HS1BP3: variants seen among roughly 807,000 people sequenced by gnomAD.
HS1BP3 encodes HCLS1 binding protein 3.
In HS1BP3, 32 loss-of-function variants were observed where a neutral mutation model predicts 33.5. The observed-to-expected ratio is 0.95, with a 90% CI of 0.72 to 1.28. HS1BP3 has a LOEUF of 1.28. Ranked by LOEUF, HS1BP3 falls within the 50% of genes most tolerant of loss-of-function variation. HS1BP3 has a pLI of 0.00. For missense variants in HS1BP3, 486 were observed against 502.3 expected (o/e 0.97, Z 0.31); for synonymous variants, 187 against 209.2 (o/e 0.89, Z 0.92).
chr2:20,616,229 C>A (rs1694422254), downstream of HS1BP3, among the ~76,000 whole-genome samples: 1 of 152,222 alleles, frequency 6.6e-6, no homozygotes. Context: ...AGCCAGGACT[C>A]CAGCTCAATC....
At chr2:20,624,624 C>G in intron 5 of HS1BP3, 108 bp downstream of exon 5, 2 of 1,030,502 alleles carry the variant, frequency 1.9e-6, no homozygotes, top group South Asian at 1.6e-5. Context: ...CTAAACAGGA[C>G]AGGGGAGATA....
intron 2 of HS1BP3, among the ~76,000 whole-genome samples, chr2:20,642,364 G>GC (rs748907423): frequency 3.3e-5 from 5 of 151,996 alleles, no homozygotes; most frequent in Admixed American, 3.3e-4. Context: ...GAGGCAGCTG[G>GC]GGGGATTTCA....
chr2:20,641,398 A>G (rs1353280191), intron 2 of HS1BP3, among the ~76,000 whole-genome samples: 29 of 152,196 alleles, frequency 1.9e-4, no homozygotes. Context: ...CCCAGAGGAA[A>G]GATGCAATAA....
At chr2:20,569,890 G>A (rs1415834801) in intron 5 of HS1BP3, among the ~76,000 whole-genome samples, 3 of 151,712 alleles carry the variant, frequency 2.0e-5, no homozygotes, top group Admixed American at 1.3e-4. Context: ...AGGCAGGCAG[G>A]TGCTGCTCCC....
chr2:20,570,552 CAAG>C (rs1489703318), intron 5 of HS1BP3, among the ~76,000 whole-genome samples: 1 of 152,174 alleles, frequency 6.6e-6, no homozygotes, highest in Non-Finnish European at 1.5e-5. Context: ...ATTGCAGCCC[CAAG>C]GGCTCAGGAT....
intron 6 of HS1BP3, chr2:20,622,327 T>TA (rs1221561502): frequency 7.7e-7 from 1 of 1,303,456 alleles, no homozygotes; most frequent in South Asian, 1.2e-5. Context: ...TGTCTGAATT[T>TA]AAAAAAAAGA....
chr2:20,563,321 C>G (rs919323850), intron 5 of HS1BP3, among the ~76,000 whole-genome samples: 2 of 152,244 alleles, frequency 1.3e-5, no homozygotes, highest in African/African-American at 4.8e-5. Context: ...GGAAGGGCCA[C>G]AGGCCCTTGG....
At chr2:20,574,283 G>A (rs1693346956) in intron 5 of HS1BP3, among the ~76,000 whole-genome samples, 1 of 152,138 alleles carries the variant, frequency 6.6e-6, no homozygotes, top group African/African-American at 2.4e-5. Flanking sequence ...CAAAGAACAA[G>A]CTCTTAGTTA....
intron 2 of HS1BP3, among the ~76,000 whole-genome samples, chr2:20,607,062 T>C (rs1694204040): frequency 6.6e-6 from 1 of 152,178 alleles, no homozygotes; most frequent in Non-Finnish European, 1.5e-5. Context: ...TACCCTATAT[T>C]TTTATTAAGA....
intron 5 of HS1BP3, chr2:20,586,309 A>G (rs62124234): frequency 0.078 from 11,839 of 152,290 alleles, 634 homozygotes; most frequent in African/African-American, 0.15. Context: ...AACAGAGCAC[A>G]GCCACCTTGA....
chr2:20,645,343 G>C lies in HS1BP3; in HGVS notation c.195C>G (p.Phe65Leu). ...CTGGCCAGAGCCTCCGGCTCACCAA[G>C]AACTGGACGACATCCTCGGGCCTGT... ...AKHRPEDVVQ[F>L]LVSKKYSEIE... The change falls in exon 2 of 7, where the codon TTC (phenylalanine) becomes TTG (leucine). Residue 65 changes from phenylalanine to leucine, a missense_variant. Physicochemically the swap from Phe to Leu is conservative, Grantham distance 22. Coordinates refer to ENST00000304031, the MANE Select transcript of HS1BP3 (RefSeq NM_022460.4). 3 of 1,613,352 alleles carry C rather than the reference G, an allele frequency of 1.9e-6. No individual in the cohort carries two copies. The highest frequency in any genetic ancestry group is 2.5e-6 in the Non-Finnish European group (3 of 1,179,722).
downstream of HS1BP3, among the ~76,000 whole-genome samples, chr2:20,617,639 G>T (rs1228249907): frequency 6.6e-6 from 1 of 152,118 alleles, no homozygotes; most frequent in Admixed American, 6.5e-5. Context: ...GCTGGCTTTG[G>T]TGTCTATCAG....
intron 2 of HS1BP3, among the ~76,000 whole-genome samples, chr2:20,610,465 A>G (rs1413702356): frequency 1.3e-5 from 2 of 152,110 alleles, no homozygotes; most frequent in Non-Finnish European, 2.9e-5. Flanking sequence ...ATCATACAAC[A>G]TATATATCCT....
intron 2 of HS1BP3, among the ~76,000 whole-genome samples, chr2:20,601,771 T>TTC (rs1491493672): frequency 1.3e-4 from 2 of 15,824 alleles, no homozygotes; most frequent in South Asian, 3.5e-3. Context: ...GTGTGTCTTC[T>TTC]TTTTTTTTTT....
At position 20,618,899 on chromosome 2, in the gene HS1BP3, G is replaced by A. The variant is rs1289039726; in HGVS notation, c.*88C>T. 4.0e-6 allele frequency: 6 copies of A among 1,488,954 alleles called. No homozygotes were observed. In the East Asian group the frequency reaches 7.2e-5, roughly 18 times the overall value. 92.2% of individuals were successfully genotyped at this position (1,488,954 alleles called of 1,614,324 possible). On this transcript the variant is annotated 3_prime_UTR_variant, in exon 7 of 7. Coordinates refer to ENST00000304031, the MANE Select transcript of HS1BP3 (RefSeq NM_022460.4). ...GCCTGGCCTCCCCTGGGGGTGGGGA[G>A]GTTCTGACCCTGCAGGGCCCAGTCC...
intron 6 of HS1BP3, chr2:20,623,564 T>G (rs1694671975): frequency 1.1e-5 from 2 of 188,994 alleles, no homozygotes; most frequent in African/African-American, 4.7e-5. Context: ...GTTCCCAAAC[T>G]TGCTTATGCC....
At position 20,610,828 on chromosome 2, in the gene HS1BP3, A is replaced by G. The variant is rs538947450; in HGVS notation, c.179-12563T>C. Among the ~76,000 whole-genome samples the G allele has an allele frequency of 1.4e-4, 21 of 152,362 alleles. No individual in the cohort carries two copies. The East Asian group carries it at 3.7e-3, about 27-fold the overall frequency. On this transcript the variant is annotated intron_variant, in intron 2 of 3. Transcript: ENST00000415264. Reference sequence around the variant, plus strand: ...AGGTATATTGAGATATAATTCGCGTATAATCAAATGTTCCCATTTTAAGTG... The same window carrying G: ...AGGTATATTGAGATATAATTCGCGTGTAATCAAATGTTCCCATTTTAAGTG...
the HS1BP3 span, among the ~76,000 whole-genome samples, chr2:20,553,958 T>C: frequency 6.6e-6 from 1 of 152,228 alleles, no homozygotes; most frequent in Non-Finnish European, 1.5e-5. Flanking sequence ...GGGCCAGGGA[T>C]GAAGGACGGT....
intron 5 of HS1BP3, among the ~76,000 whole-genome samples, chr2:20,564,658 A>G (rs139461853): frequency 1.0e-3 from 155 of 152,058 alleles, no homozygotes; most frequent in African/African-American, 3.7e-3. Flanking sequence ...TAAGTTTCGT[A>G]TTTTTAGTAG....
Sources: allele counts gnomAD v4.1 joint callset (sites outside exome capture counted in the v4.1 genomes callset), GRCh38; gene constraint gnomAD v4.1.1; transcripts MANE v1.5; gene names NCBI Gene and HGNC (gene_info 2026-07-23, HGNC 2026-07-21).